KCNQ3: variants seen among roughly 807,000 people sequenced by gnomAD.
KCNQ3 encodes the protein potassium voltage-gated channel subfamily KQT member 3.
A neutral mutation model predicts 92.5 loss-of-function variants in KCNQ3; 30 were observed. The ratio of observed to expected loss-of-function variants is 0.32; its 90% confidence interval spans 0.24 to 0.44. The LOEUF is 0.44. Ranked by LOEUF, KCNQ3 falls within the 20% of genes least tolerant of loss-of-function variation. The probability of loss-of-function intolerance (pLI) is 1.00; values close to 1 mark genes in which losing one functional copy is unlikely to be tolerated. For synonymous variants in KCNQ3, 450 were observed against 468.8 expected, an observed-to-expected ratio of 0.96 and a Z score of 0.52; for missense variants, 913 against 1,140.3, an observed-to-expected ratio of 0.80 and a Z score of 2.87.
At chr8:132,163,561 A>C in intron 8 of KCNQ3, 67 bp from the exon 9 acceptor site, 3 of 1,283,444 alleles carry the variant, frequency 2.3e-6, no homozygotes, top group African/African-American at 1.5e-5. Context: ...CTTCCTCGAA[A>C]GATTGCTGCA....
chr8:132,430,224 T>C (rs866870776), intron 1 of KCNQ3, among the ~76,000 whole-genome samples: 2 of 152,198 alleles, frequency 1.3e-5, no homozygotes, highest in African/African-American at 2.4e-5. Context: ...CAGGTGAAGT[T>C]AGTTTAACAA....
At chr8:132,296,756 A>T (rs965848914) in intron 1 of KCNQ3, among the ~76,000 whole-genome samples, 3 of 152,124 alleles carry the variant, frequency 2.0e-5, no homozygotes, top group African/African-American at 4.8e-5. Context: ...TCCATGGTGT[A>T]TATGTGCCAC....
At chr8:132,304,209 A>G (rs572806129) in intron 1 of KCNQ3, among the ~76,000 whole-genome samples, 31 of 152,330 alleles carry the variant, frequency 2.0e-4, no homozygotes, top group African/African-American at 7.0e-4. Flanking sequence ...GATGTACACT[A>G]TTGGGGTGAT....
At chr8:132,138,101 G>C in intron 11 of KCNQ3, 85 bp from the exon 12 acceptor site, 3 of 1,489,064 alleles carry the variant, frequency 2.0e-6, no homozygotes, top group Non-Finnish European at 2.8e-6. Context: ...TCCAGGGCAG[G>C]GGGAGAAAAG....
At chr8:132,427,418 G>T (rs1821139609) in intron 1 of KCNQ3, among the ~76,000 whole-genome samples, 1 of 152,180 alleles carries the variant, frequency 6.6e-6, no homozygotes, top group African/African-American at 2.4e-5. Context: ...TGAGGGACCT[G>T]GATGGGGTCA....
chr8:132,336,285 T>C (rs1026812460), intron 1 of KCNQ3, among the ~76,000 whole-genome samples: 1 of 152,140 alleles, frequency 6.6e-6, no homozygotes, highest in Admixed American at 6.5e-5. Flanking sequence ...TCCACATCTG[T>C]GGAAACCTCA....
chr8:132,375,996 T>C (rs1314913528), intron 1 of KCNQ3, among the ~76,000 whole-genome samples: 2 of 152,182 alleles, frequency 1.3e-5, no homozygotes, highest in Non-Finnish European at 2.9e-5. Flanking sequence ...GGGGGTGTCT[T>C]ATTCACTATG....
At chr8:132,206,259 G>T (rs1813653572) in intron 1 of KCNQ3, among the ~76,000 whole-genome samples, 1 of 151,964 alleles carries the variant, frequency 6.6e-6, no homozygotes, top group Admixed American at 6.6e-5. Context: ...CTCTAATTCT[G>T]CCCTGCCAGG....
intron 1 of KCNQ3, among the ~76,000 whole-genome samples, chr8:132,415,960 C>T (rs982513317): frequency 1.3e-5 from 2 of 152,180 alleles, no homozygotes; most frequent in African/African-American, 2.4e-5. Context: ...GTAGGCACCT[C>T]CCAGCTATGC....
chr8:132,163,845 T>A (rs1826064615), intron 8 of KCNQ3, among the ~76,000 whole-genome samples: 1 of 152,270 alleles, frequency 6.6e-6, no homozygotes, highest in African/African-American at 2.4e-5. Flanking sequence ...AGGAATGTCA[T>A]AATGTAGCAG....
At chr8:132,398,298 A>G (rs746790725) in intron 1 of KCNQ3, among the ~76,000 whole-genome samples, 5 of 152,070 alleles carry the variant, frequency 3.3e-5, no homozygotes, top group Non-Finnish European at 7.4e-5. Flanking sequence ...TTTCTGTGTG[A>G]TATAGTCTCT....
chr8:132,465,389 C>A (rs894664555), intron 1 of KCNQ3, among the ~76,000 whole-genome samples: 1 of 151,664 alleles, frequency 6.6e-6, no homozygotes, highest in Non-Finnish European at 1.5e-5. Context: ...TCAGCTTGGG[C>A]AACATAGTGA....
In KCNQ3 at chr8:132,129,566, T is replaced by C; in HGVS notation, c.2315A>G (p.Asp772Gly). 6.2e-7 allele frequency: 1 copy of C among 1,614,128 alleles called. No individual in the cohort carries two copies. Among genetic ancestry groups the C allele is most frequent in the Non-Finnish European group, 8.5e-7 (1 of 1,180,012 alleles). ...SQADLQGPYS[D>G]RISPRQRRSI... ...ACGTCTCTGCCGGGGGGAGATTCGG[T>C]CCGAGTAGGGGCCCTGCAGGTCAGC... is the stretch of plus-strand genomic sequence containing the variant. Residue 772 changes from aspartate to glycine, a missense_variant, in exon 15 of 15, where the codon GAC becomes GGC. This residue lies in a region of KCNQ3 where 375 missense variants were observed against 376.4 expected (regional missense o/e 1.00). Transcript: ENST00000388996. This position sits in a 1 kb window ranked among gnomAD's most constrained non-coding sequence, Gnocchi z 5.9.
chr8:132,363,158 A>T (rs1366501003), intron 1 of KCNQ3, among the ~76,000 whole-genome samples: 3 of 152,194 alleles, frequency 2.0e-5, no homozygotes, highest in Non-Finnish European at 4.4e-5. Flanking sequence ...AGCTAACAAG[A>T]TGTGTAGAGC....
chr8:132,327,596 C>T (rs1278823164), intron 1 of KCNQ3, among the ~76,000 whole-genome samples: 1 of 152,134 alleles, frequency 6.6e-6, no homozygotes, highest in Admixed American at 6.5e-5. Flanking sequence ...GGGGATGTGC[C>T]TACCTGGAGC....
At chr8:132,154,212 T>TTTG (rs1825735151) in intron 9 of KCNQ3, among the ~76,000 whole-genome samples, 1 of 145,384 alleles carries the variant, frequency 6.9e-6, no homozygotes, top group Non-Finnish European at 1.5e-5. Context: ...TTTTTTTTTT[T>TTTG]TTTTTTTTTT....
At chr8:132,308,604 A>T (rs758211678) in intron 1 of KCNQ3, among the ~76,000 whole-genome samples, 1 of 152,176 alleles carries the variant, frequency 6.6e-6, no homozygotes, top group Non-Finnish European at 1.5e-5. Context: ...CAATGGCTGC[A>T]TGCGTTTGTT....
intron 1 of KCNQ3, among the ~76,000 whole-genome samples, chr8:132,248,251 T>C (rs1253295681): frequency 6.6e-6 from 1 of 152,046 alleles, no homozygotes; most frequent in Non-Finnish European, 1.5e-5. Context: ...ATTAGATACT[T>C]TTCTTCTTTT....
chr8:132,361,168 G>A (rs1382108017), intron 1 of KCNQ3, among the ~76,000 whole-genome samples: 3 of 152,142 alleles, frequency 2.0e-5, no homozygotes, highest in East Asian at 1.9e-4. Context: ...ACTGGTATGC[G>A]AGACTCCAAA....
Sources: gnomAD v4.1 joint callset for allele counts (sites outside exome capture counted in the v4.1 genomes callset) on GRCh38, gnomAD v4.1.1 for gene constraint, gnomAD v4.1.1 regional missense constraint, Gnocchi (gnomAD v3.1) non-coding constraint, MANE v1.5 for transcripts, NCBI Gene and HGNC (gene_info 2026-07-23, HGNC 2026-07-21) for gene names.